The following MTMR4 variants were observed in gnomAD, a reference collection of about 807,000 sequenced individuals.
MTMR4 encodes the protein phosphatidylinositol-3,5-bisphosphate 3-phosphatase MTMR4.
MTMR4 carries 30 observed loss-of-function variants against 125.5 expected under a neutral mutation model. That is an observed-to-expected ratio of 0.24 (90% CI 0.18 to 0.32). The LOEUF (loss-of-function observed/expected upper bound fraction) is 0.32, where lower values mean the gene tolerates loss of function less well. Among genes scored for constraint, MTMR4 ranks in the 10% least tolerant of loss-of-function variants. The pLI, the probability that MTMR4 is intolerant of heterozygous loss-of-function variation, is 1.00. For missense variants in MTMR4, 1,039 were observed against 1,511.5 expected (o/e 0.69, Z 5.18); for synonymous variants, 498 against 564.5 (o/e 0.88, Z 1.67).
In MTMR4 at chr17:58,504,681, G is replaced by A. The variant is rs1038489438; in HGVS notation, c.1341+98C>T. The A allele has an allele frequency of 1.1e-5, 15 of 1,402,672 alleles. No homozygotes were observed. The highest frequency in any genetic ancestry group is 9.2e-5 in the Admixed American group (4 of 43,706). 86.9% of individuals were successfully genotyped at this position (1,402,672 alleles called of 1,614,324 possible). ...AAAAAAGAAAAAAAGAGCCACCAAT[G>A]TCCTCTACTGAAAGATCCCCAGGAC... On this transcript the variant is annotated intron_variant, in intron 11 of 17. Coordinates refer to ENST00000682306, the MANE Select transcript of MTMR4 (RefSeq NM_001378067.1). This position sits in a 1 kb window ranked among gnomAD's most constrained non-coding sequence, Gnocchi z 7.1.
chr17:58,507,176 C>T lies in MTMR4; in HGVS notation c.851G>A (p.Gly284Asp), dbSNP rs1229583048. The T allele has an allele frequency of 1.2e-6, 2 of 1,614,008 alleles. No individual in the cohort carries two copies. The highest frequency in any genetic ancestry group is 1.1e-5 in the South Asian group (1 of 91,084). The change falls in exon 8 of 18, where the codon GGC becomes GAC. Residue 284 changes from glycine (G) to aspartate (D), a missense_variant. Gly to Asp is a moderately conservative substitution (Grantham distance 94). This residue lies in a region of MTMR4 where 49 missense variants were observed against 68.4 expected (regional missense o/e 0.72). Transcript: ENST00000682306. ...ATCATTATTCCCGGTGCTGAGGGAG[C>T]CCCCAGTGGCCCTTGTCCCCGGGTC... ...ALDPGTRATGGSLSTGNNDTS... is the reference protein window; with the variant it reads ...ALDPGTRATGDSLSTGNNDTS...
Position 58,512,594 on chromosome 17 carries a change from GA to G in MTMR4, c.136-89del. ...CCCCTGATCTGTGGGATCCCCTCTGGAAAAGGTGGGCCAAGGCAAGAGAGGA... is the reference window on the plus strand; with the variant it reads ...CCCCTGATCTGTGGGATCCCCTCTGGAAAGGTGGGCCAAGGCAAGAGAGGA... On this transcript the variant is annotated intron_variant, in intron 2 of 17. Coordinates refer to ENST00000682306, the MANE Select transcript of MTMR4 (RefSeq NM_001378067.1). This position sits in a 1 kb window ranked among gnomAD's most constrained non-coding sequence, Gnocchi z 4.1. 2 of 1,145,956 alleles carry G rather than the reference GA, an allele frequency of 1.7e-6. No homozygotes were observed. Among genetic ancestry groups the G allele is most frequent in the Non-Finnish European group, 1.3e-6 (1 of 767,250 alleles). 71.0% of individuals were successfully genotyped at this position (1,145,956 alleles called of 1,614,324 possible).
Position 58,491,469 on chromosome 17 carries a change from G to A in MTMR4, c.*194C>T. The A allele has an allele frequency of 1.9e-6, 1 of 514,208 alleles. No individual in the cohort carries two copies. The highest frequency in any genetic ancestry group is 3.4e-6 in the Non-Finnish European group (1 of 293,980). 31.9% of individuals were successfully genotyped at this position (514,208 alleles called of 1,614,324 possible). A position where few individuals can be genotyped will look rare whatever the true frequency, so the allele number is the denominator to read the frequency against. On this transcript the variant is annotated 3_prime_UTR_variant, in exon 18 of 18. Transcript: ENST00000682306. ...GTTAGGACCATTACCCCAAGGTGAG[G>A]GTATCACCAGTAGAGGACCTCCTGC...
At chr17:58,514,243 C>G in intron 1 of MTMR4, 120 bp downstream of exon 1, 1 of 889,654 alleles carries the variant, frequency 1.1e-6, no homozygotes, top group Non-Finnish European at 1.3e-6. Context: ...CTTCCCTGCC[C>G]CCCAAACGTT....
chr17:58,514,304 T>A (rs748102369), intron 1 of MTMR4, 59 bp downstream of exon 1: 179 of 987,726 alleles, frequency 1.8e-4, no homozygotes, highest in Non-Finnish European at 2.1e-4. Context: ...AATCGAGGGC[T>A]GACCCTGGGC....
At chr17:58,507,020 G>A (rs541766292) in intron 8 of MTMR4, 103 bp downstream of exon 8, 74 of 1,559,498 alleles carry the variant, frequency 4.7e-5, no homozygotes, top group East Asian at 2.9e-4. Context: ...CCAGCACCCC[G>A]TGTGTTGTCA....
intron 3 of MTMR4, among the ~76,000 whole-genome samples, chr17:58,511,984 C>CTT (rs527911785): frequency 1.4e-5 from 2 of 147,526 alleles, no homozygotes. Context: ...GGATCCCCAA[C>CTT]TTTTTTTTTT....
chr17:58,497,454 C>T (rs1394931066), intron 14 of MTMR4, among the ~76,000 whole-genome samples: 1 of 152,154 alleles, frequency 6.6e-6, no homozygotes, highest in African/African-American at 2.4e-5. Context: ...ACTTTAACTT[C>T]TCTACGCCTC....
At position 58,512,275 on chromosome 17, in the gene MTMR4, T is replaced by G; in HGVS notation, c.252+115A>C. 1.1e-6 allele frequency: 1 copy of G among 902,750 alleles called. No individual in the cohort carries two copies. The highest frequency in any genetic ancestry group is 1.8e-6 in the Non-Finnish European group (1 of 558,780). The allele number at this position is 902,750 out of a possible 1,614,324, so 55.9% of individuals were successfully genotyped here. On this transcript the variant is annotated intron_variant, in intron 3 of 17. Coordinates refer to ENST00000682306, the MANE Select transcript of MTMR4 (RefSeq NM_001378067.1). This position sits in a 1 kb window ranked among gnomAD's most constrained non-coding sequence, Gnocchi z 4.1. Reference sequence around the variant, plus strand: ...TGCTGGGATTACAGGCGTGAGCCACTGCGCCCGGCCTCCAACTTTTTTAAT... The same window carrying G: ...TGCTGGGATTACAGGCGTGAGCCACGGCGCCCGGCCTCCAACTTTTTTAAT...
chr17:58,500,261 G>A (rs1032292772), intron 14 of MTMR4, among the ~76,000 whole-genome samples: 3 of 152,096 alleles, frequency 2.0e-5, no homozygotes, highest in Non-Finnish European at 4.4e-5. Flanking sequence ...CAAGTAGCTG[G>A]GACCACAGGC....
chr17:58,491,759 G>A lies in MTMR4; in HGVS notation c.3534C>T (p.Leu1178=), dbSNP rs141228725. 2.4e-5 allele frequency: 39 copies of A among 1,614,160 alleles called. No homozygotes were observed. The highest frequency in any genetic ancestry group is 1.5e-4 in the South Asian group (14 of 91,080). The change falls in exon 18 of 18, where the codon CTC becomes CTT. Residue 1178 remains leucine, a synonymous_variant. Coordinates refer to ENST00000682306, the MANE Select transcript of MTMR4 (RefSeq NM_001378067.1). The part of the protein sequence containing the change: ...IPDQQLYDPV[L]VCNSCYEHIQ... The stretch of plus-strand genomic sequence containing the variant: ...TGTGTTCGTAACATGAGTTACAGAC[G>A]AGAACTGGGTCATAGAGTTGCTGAT...
chr17:58,516,295 T>C (rs577966886), upstream of MTMR4, among the ~76,000 whole-genome samples: 2 of 152,240 alleles, frequency 1.3e-5, no homozygotes, highest in East Asian at 1.9e-4. Context: ...AGAGGGCTGT[T>C]ATGAAGGGTT....
rs1490000531 is a variant in MTMR4, at chr17:58,490,441, T to A, written c.*1222A>T. ...ACAAAAACAAAAAAACAAAATAAAA[T>A]TTTTTAAAAACCAACAACGTTTGGT... On this transcript the variant is annotated 3_prime_UTR_variant, in exon 18 of 18. Transcript: ENST00000682306. The A allele has an allele frequency of 2.0e-5, 3 of 152,642 alleles. No homozygotes were observed. The highest frequency in any genetic ancestry group is 3.8e-4 in the East Asian group (2 of 5,200). 9.5% of individuals were successfully genotyped at this position (152,642 alleles called of 1,614,324 possible).
At position 58,508,798 on chromosome 17, in the gene MTMR4, G is replaced by GT. The variant is rs1567936342; in HGVS notation, c.378dup (p.Arg127ThrfsTer13). 1 of 1,614,164 alleles carries GT rather than the reference G, an allele frequency of 6.2e-7. No homozygotes were observed. ...GGTCTTGCTGTGGCTCGGCTTAGCC[G>GT]TGAGAGCCACTCTTGGCACTGCTTA... On this transcript the variant is annotated frameshift_variant, in exon 5 of 18. Coordinates refer to ENST00000682306, the MANE Select transcript of MTMR4 (RefSeq NM_001378067.1). LOFTEE classifies it high-confidence loss of function. The surrounding 1 kb of genome is among the most constrained non-coding windows in gnomAD (Gnocchi z 4.8).
intron 14 of MTMR4, among the ~76,000 whole-genome samples, chr17:58,500,533 G>A (rs989570366): frequency 2.6e-5 from 4 of 151,942 alleles, no homozygotes; most frequent in African/African-American, 4.8e-5. Context: ...GGTAGATTAC[G>A]AGGTCAAGAG....
chr17:58,495,276 T>C lies in MTMR4; in HGVS notation c.2908A>G (p.Arg970Gly), dbSNP rs759039850. The C allele has an allele frequency of 1.2e-6, 2 of 1,614,232 alleles. No homozygotes were observed. The highest frequency in any genetic ancestry group is 1.7e-6 in the Non-Finnish European group (2 of 1,180,054). Residue 970 changes from arginine (R) to glycine (G), a missense_variant, in exon 15 of 18, where the codon AGA (arginine) becomes GGA (glycine). By Grantham distance (125) the Arg-to-Gly change is moderately radical. Transcript: ENST00000682306. The part of the protein sequence containing the change: ...GPCFGGQWAQ[R>G]EGVKSPVCSS... ...CAGACAGGTGACTTCACACCTTCTC[T>C]CTGAGCCCACTGGCCCCCAAAGCAG...
chr17:58,514,901 G>A (rs1976045609), upstream of MTMR4: 5 of 580,698 alleles, frequency 8.6e-6, no homozygotes, highest in Non-Finnish European at 1.1e-5. Flanking sequence ...CCTCCCCTAA[G>A]TTCCCCCGAC....
In MTMR4 at chr17:58,512,378, A is replaced by G. The variant is rs573427458; in HGVS notation, c.252+12T>C. 2.4e-5 allele frequency: 38 copies of G among 1,593,580 alleles called. No homozygotes were observed. The highest frequency in any genetic ancestry group is 3.1e-5 in the Non-Finnish European group (36 of 1,161,222). On this transcript the variant is annotated intron_variant, in intron 3 of 17. Transcript: ENST00000682306. This position sits in a 1 kb window ranked among gnomAD's most constrained non-coding sequence, Gnocchi z 4.1. ...TCTAGCTTAGGGGTAGGAGAACAAT[A>G]CAGAAACTCACGTTGATGACAGAGT...
chr17:58,493,169 T>C (rs1018663611), intron 15 of MTMR4, among the ~76,000 whole-genome samples: 9 of 152,234 alleles, frequency 5.9e-5, no homozygotes, highest in Non-Finnish European at 1.2e-4. Context: ...AACCTAGTAT[T>C]GTAGCTTCAG....
Sources: gnomAD v4.1 joint callset for allele counts (sites outside exome capture counted in the v4.1 genomes callset) on GRCh38, gnomAD v4.1.1 for gene constraint, gnomAD v4.1.1 regional missense constraint, Gnocchi (gnomAD v3.1) non-coding constraint, MANE v1.5 for transcripts, NCBI Gene and HGNC (gene_info 2026-07-23, HGNC 2026-07-21) for gene names.